The following NSUN6 variants were observed in gnomAD, a reference collection of about 807,000 sequenced individuals.
The protein encoded by NSUN6 is tRNA (cytosine(72)-C(5))-methyltransferase NSUN6.
NSUN6 carries 64 observed loss-of-function variants against 58.0 expected under a neutral mutation model. The ratio of observed to expected loss-of-function variants is 1.10; its 90% CI spans 0.90 to 1.36. The LOEUF (loss-of-function observed/expected upper bound fraction) is 1.36, where lower values mean the gene tolerates loss of function less well. Among genes scored for constraint, NSUN6 ranks in the 40% most tolerant of loss-of-function variants. NSUN6 has a pLI of 0.00. For synonymous variants in NSUN6, 231 were observed against 193.9 expected (o/e 1.19, Z -1.59); for missense variants, 701 against 550.1 (o/e 1.27, Z -2.74).
intron 3 of NSUN6, among the ~76,000 whole-genome samples, chr10:18,641,162 T>C (rs1283654652): frequency 6.6e-6 from 1 of 152,138 alleles, no homozygotes; most frequent in Non-Finnish European, 1.5e-5. Context: ...TCCCATTGCA[T>C]GGACAAATCA....
At chr10:18,580,293 CT>C (rs1315773082) in intron 8 of NSUN6, among the ~76,000 whole-genome samples, 1 of 152,156 alleles carries the variant, frequency 6.6e-6, no homozygotes, top group African/African-American at 2.4e-5. Context: ...TCTTTTCTCC[CT>C]TTTCCAACTA....
At chr10:18,602,785 G>A (rs34237250) in intron 6 of NSUN6, among the ~76,000 whole-genome samples, 31,466 of 152,016 alleles carry the variant, frequency 0.21, 3,577 homozygotes, top group South Asian at 0.31. Context: ...GTCTGAGTGG[G>A]TTGAAGGGTA....
chr10:18,562,063 G>A (rs2055555227), intron 8 of NSUN6, among the ~76,000 whole-genome samples: 1 of 149,516 alleles, frequency 6.7e-6, no homozygotes, highest in Non-Finnish European at 1.5e-5. Flanking sequence ...ATGGAGTGGA[G>A]CATGAAATGG....
chr10:18,651,263 T>A lies in NSUN6; in HGVS notation c.-60A>T. The A allele has an allele frequency of 6.6e-7, 1 of 1,506,090 alleles. No individual in the cohort carries two copies. 93.3% of individuals were successfully genotyped at this position (1,506,090 alleles called of 1,614,324 possible). On this transcript the variant is annotated 5_prime_UTR_variant, in exon 1 of 11. Coordinates refer to ENST00000377304, the MANE Select transcript of NSUN6 (RefSeq NM_182543.5). The stretch of plus-strand genomic sequence containing the variant: ...GCTGGAAAACGGTGTTTTGTTTTTT[T>A]TTTTCTTTCCGAATTAATAGTGACG...
At chr10:18,619,882 T>TA (rs1476631647) in intron 3 of NSUN6, among the ~76,000 whole-genome samples, 7 of 152,188 alleles carry the variant, frequency 4.6e-5, no homozygotes, top group Non-Finnish European at 8.8e-5. Context: ...CATGTCTGTG[T>TA]GTGTGGTATC....
chr10:18,638,241 G>C (rs1171455491), intron 3 of NSUN6, among the ~76,000 whole-genome samples: 1 of 152,130 alleles, frequency 6.6e-6, no homozygotes, highest in East Asian at 1.9e-4. Flanking sequence ...TCACGAATTT[G>C]AGACCAGACT....
chr10:18,558,616 G>A (rs1326992596), intron 8 of NSUN6, among the ~76,000 whole-genome samples: 1 of 151,066 alleles, frequency 6.6e-6, no homozygotes, highest in Non-Finnish European at 1.5e-5. Flanking sequence ...ATAACAGAAT[G>A]GCGTGGAGAA....
intron 6 of NSUN6, among the ~76,000 whole-genome samples, chr10:18,597,992 CATA>C (rs1211040875): frequency 6.6e-6 from 1 of 152,130 alleles, no homozygotes. Flanking sequence ...CAAGCTAAGC[CATA>C]ATATCCCCTG....
At chr10:18,559,616 G>A (rs140497278) in intron 8 of NSUN6, among the ~76,000 whole-genome samples, 39 of 148,524 alleles carry the variant, frequency 2.6e-4, no homozygotes, top group African/African-American at 5.7e-4. Context: ...AATGGAATGC[G>A]GAATGGAATG....
chr10:18,611,474 C>T (rs368254630), intron 5 of NSUN6, among the ~76,000 whole-genome samples: 1 of 152,130 alleles, frequency 6.6e-6, no homozygotes, highest in East Asian at 1.9e-4. Context: ...AGTAGATACC[C>T]GTGGACTATT....
chr10:18,587,846 C>T (rs1176567558), intron 7 of NSUN6, among the ~76,000 whole-genome samples: 1 of 151,888 alleles, frequency 6.6e-6, no homozygotes, highest in Non-Finnish European at 1.5e-5. Flanking sequence ...CAAAACTGGG[C>T]GGCCATTTGG....
rs751362275 is a variant in NSUN6 at position 18,551,897 on chromosome 10, GTC to G, written c.995_996del (p.Arg332ThrfsTer39). 6.2e-7 allele frequency: 1 copy of G among 1,612,586 alleles called. No homozygotes were observed. Among genetic ancestry groups the G allele is most frequent in the Admixed American group, 1.7e-5 (1 of 59,964 alleles). Reference protein sequence around the residue: ...LDAPCSGMGQRPNMACTWSVK... With the variant: ...LDAPCSGMGQXPNMACTWSVK... ...ACAGACCAAGTACAGGCCATGTTTG[GTC>G]TCTGTCCCATTCCACTACAGGGTGC... On this transcript the variant is annotated frameshift_variant, in exon 9 of 11. Coordinates refer to ENST00000377304, the MANE Select transcript of NSUN6 (RefSeq NM_182543.5). LOFTEE classifies it high-confidence loss of function.
At chr10:18,611,114 T>C (rs1480941462) in intron 5 of NSUN6, among the ~76,000 whole-genome samples, 2 of 151,994 alleles carry the variant, frequency 1.3e-5, no homozygotes, top group Non-Finnish European at 2.9e-5. Flanking sequence ...AGGGATCCCT[T>C]GAACCCAGGA....
At chr10:18,654,069 T>A (rs2059750880), upstream of NSUN6, among the ~76,000 whole-genome samples, 1 of 152,106 alleles carries the variant, frequency 6.6e-6, no homozygotes, top group Non-Finnish European at 1.5e-5. Flanking sequence ...TTTAGGGGGA[T>A]GATAATTTTA....
intron 3 of NSUN6, among the ~76,000 whole-genome samples, chr10:18,627,748 G>C (rs527493318): frequency 6.6e-6 from 1 of 152,254 alleles, no homozygotes; most frequent in East Asian, 1.9e-4. Flanking sequence ...CCGCGGCTCG[G>C]AGGGTCCTAC....
At chr10:18,583,259 G>C (rs527997819) in intron 8 of NSUN6, among the ~76,000 whole-genome samples, 2 of 152,002 alleles carry the variant, frequency 1.3e-5, no homozygotes, top group African/African-American at 4.8e-5. Context: ...ACCTTTTACC[G>C]TAATTTGCCA....
chr10:18,585,706 G>A lies in NSUN6; in HGVS notation c.922+243C>T, dbSNP rs571965108. ...AAAGGGTACAAAGTTTCAGATGGAC[G>A]GGAGTAAGTTTTTGAGATCTACTGC... On this transcript the variant is annotated intron_variant, in intron 8 of 10. Coordinates refer to ENST00000377304, the MANE Select transcript of NSUN6 (RefSeq NM_182543.5). 2.0e-5 allele frequency among the ~76,000 whole-genome samples: 3 copies of A among 152,260 alleles called. No homozygotes were observed. The South Asian group carries it at 6.2e-4, about 32-fold the overall frequency.
chr10:18,564,291 C>T lies in NSUN6; in HGVS notation c.923-12320G>A, dbSNP rs117445494. ...CTCCACTCCACTGCATTCTCTATTC[C>T]ATTCTCCATTCCATTCCACTCCTTT... On this transcript the variant is annotated intron_variant, in intron 8 of 10. Coordinates refer to ENST00000377304, the MANE Select transcript of NSUN6 (RefSeq NM_182543.5). 3.1e-3 allele frequency among the ~76,000 whole-genome samples: 465 copies of T among 151,392 alleles called. 2 individuals are homozygous for T. The highest frequency in any genetic ancestry group is 4.7e-3 in the Non-Finnish European group (321 of 67,658).
At chr10:18,572,037 T>C (rs1432328887) in intron 8 of NSUN6, among the ~76,000 whole-genome samples, 2 of 151,374 alleles carry the variant, frequency 1.3e-5, no homozygotes, top group Non-Finnish European at 3.0e-5. Flanking sequence ...CTCCACTGCA[T>C]TCCTTTCCAT....
Sources: allele counts gnomAD v4.1 joint callset (sites outside exome capture counted in the v4.1 genomes callset), GRCh38; gene constraint gnomAD v4.1.1; transcripts MANE v1.5; gene names NCBI Gene and HGNC (gene_info 2026-07-23, HGNC 2026-07-21).